CEP170: variants seen among roughly 807,000 people sequenced by gnomAD.
CEP170 encodes the protein centrosomal protein of 170 kDa.
Under a neutral mutation model 151.9 loss-of-function variants are expected in CEP170, and 21 were observed. The ratio of observed to expected loss-of-function variants is 0.14; its 90% CI spans 0.10 to 0.20. The LOEUF is 0.20. Among genes scored for constraint, CEP170 ranks in the 10% least tolerant of loss-of-function variants. The probability of loss-of-function intolerance (pLI) is 1.00; values close to 1 mark genes in which losing one functional copy is unlikely to be tolerated. For synonymous variants in CEP170, 356 were observed against 648.8 expected, an observed-to-expected ratio of 0.55 and a Z score of 6.86; for missense variants, 964 against 1,892.9, an observed-to-expected ratio of 0.51 and a Z score of 9.11.
At chr1:243,209,953 C>A (rs554152242) in intron 4 of CEP170, among the ~76,000 whole-genome samples, 274 of 152,042 alleles carry the variant, frequency 1.8e-3, no homozygotes, top group African/African-American at 6.6e-3. Context: ...TCAGCCTCCC[C>A]ACGTGCTGGG....
At chr1:243,156,808 G>T in intron 13 of CEP170, 1 of 164,790 alleles carries the variant, frequency 6.1e-6, no homozygotes, top group African/African-American at 2.4e-5. Context: ...TCTTACTTGA[G>T]TGAAAATATG....
chr1:243,152,541 TTTTTTTTTG>T, intron 14 of CEP170, among the ~76,000 whole-genome samples: 2 of 100,168 alleles, frequency 2.0e-5, no homozygotes, highest in African/African-American at 8.3e-5. Context: ...TTTTTTTTTT[TTTTTTTTTG>T]AGATAGAGTC....
intron 1 of CEP170, among the ~76,000 whole-genome samples, chr1:243,227,868 G>A (rs2149037539): frequency 6.6e-6 from 1 of 152,290 alleles, no homozygotes. Context: ...CTAGAGAATG[G>A]GGCTTGGTCA....
rs547792366 is a variant in CEP170, at chr1:243,130,425, C to A, written c.4320-972G>T. Among the ~76,000 whole-genome samples the A allele has an allele frequency of 8.5e-5, 13 of 152,116 alleles. No individual in the cohort carries two copies. The East Asian group carries it at 1.9e-3, about 23-fold the overall frequency. Reference sequence around the variant, plus strand: ...AACAATTGCCAATAAAGATAATTATCCTATCATTACCCTAACATCAAATAA... The same window carrying A: ...AACAATTGCCAATAAAGATAATTATACTATCATTACCCTAACATCAAATAA... On this transcript the variant is annotated intron_variant, in intron 17 of 19. Coordinates refer to ENST00000366542, the MANE Select transcript of CEP170 (RefSeq NM_014812.3).
chr1:243,177,171 A>T (rs11807944), intron 10 of CEP170, among the ~76,000 whole-genome samples: 3,111 of 152,296 alleles, frequency 0.02, 117 homozygotes, highest in African/African-American at 0.07. Flanking sequence ...CAGATACGGG[A>T]AGCTTGCTGA....
intron 14 of CEP170, among the ~76,000 whole-genome samples, chr1:243,144,262 G>A (rs1302061972): frequency 1.3e-5 from 2 of 152,182 alleles, no homozygotes; most frequent in East Asian, 3.8e-4. Flanking sequence ...CACTCTGTAA[G>A]AGAAGTATTA....
In CEP170 at chr1:243,124,761, C is replaced by T. The variant is rs1420029690; in HGVS notation, c.*1688G>A. On this transcript the variant is annotated 3_prime_UTR_variant, in exon 20 of 20. Transcript: ENST00000366542. ...ATGGATTGACCCTGTTTTAACATTT[C>T]GTTTATTCCTTCAAAGCATTTGTAT... is the stretch of plus-strand genomic sequence containing the variant. 2 of 152,526 alleles carry T rather than the reference C, an allele frequency of 1.3e-5. No individual in the cohort carries two copies. Among genetic ancestry groups the T allele is most frequent in the Admixed American group, 6.5e-5 (1 of 15,272 alleles). 9.4% of individuals were successfully genotyped at this position (152,526 alleles called of 1,614,324 possible).
Position 243,185,891 on chromosome 1 carries a change from G to A in CEP170, c.1454C>T (p.Ser485Phe), listed in dbSNP as rs1345050084. The A allele has an allele frequency of 6.2e-7, 1 of 1,613,618 alleles. No individual in the cohort carries two copies. The highest frequency in any genetic ancestry group is 8.5e-7 in the Non-Finnish European group (1 of 1,179,716). ...MDKMLKNQATSATSEKDNDDD... is the reference protein window; with the variant it reads ...MDKMLKNQATFATSEKDNDDD... ...ATCATTATCCTTTTCAGAAGTAGCA[G>A]AAGTTGCTTGATTTTTTAACATTTT... Residue 485 changes from serine to phenylalanine, a missense_variant, in exon 10 of 20, where the codon TCT (serine) becomes TTT (phenylalanine). Physicochemically the swap from Ser to Phe is radical, Grantham distance 155. Transcript: ENST00000366542. This position sits in a 1 kb window ranked among gnomAD's most constrained non-coding sequence, Gnocchi z 4.9.
rs1286084241 is a variant in CEP170, at chr1:243,185,845, A to T, written c.1500T>A (p.Gly500=). 6.2e-7 allele frequency: 1 copy of T among 1,611,894 alleles called. No individual in the cohort carries two copies. The highest frequency in any genetic ancestry group is 2.2e-5 in the East Asian group (1 of 44,898). The change falls in exon 10 of 20, where the codon GGT becomes GGA. Residue 500 remains glycine (G), a synonymous_variant. Transcript: ENST00000366542. This position sits in a 1 kb window ranked among gnomAD's most constrained non-coding sequence, Gnocchi z 4.9. The stretch of plus-strand genomic sequence containing the variant: ...GATTCTCTAACTCAATGGTATAAGT[A>T]CCCTTGTCACTTTGGTCATCATCAT... ...KDNDDDQSDK[G]TYTIELENPN... is the part of the protein sequence containing the mutation.
chr1:243,226,352 T>C (rs561891733), intron 1 of CEP170, among the ~76,000 whole-genome samples: 3 of 151,598 alleles, frequency 2.0e-5, no homozygotes, highest in African/African-American at 7.2e-5. Context: ...TATAACAAAG[T>C]AACCATATTT....
intron 8 of CEP170, among the ~76,000 whole-genome samples, chr1:243,186,939 A>G (rs1413335393): frequency 6.6e-6 from 1 of 152,240 alleles, no homozygotes; most frequent in African/African-American, 2.4e-5. Context: ...GAAGCTCAGC[A>G]TATTTTTCCT....
chr1:243,183,168 G>C (rs1245360976), intron 10 of CEP170, among the ~76,000 whole-genome samples: 2 of 151,960 alleles, frequency 1.3e-5, no homozygotes, highest in Non-Finnish European at 2.9e-5. Flanking sequence ...TTTTCATTGT[G>C]AATCACCTTC....
chr1:243,124,925 T>C lies in CEP170; in HGVS notation c.*1524A>G, dbSNP rs1424455650. 1.3e-5 allele frequency: 2 copies of C among 152,664 alleles called. No individual in the cohort carries two copies. The highest frequency in any genetic ancestry group is 1.3e-4 in the Admixed American group (2 of 15,302). The allele number at this position is 152,664 out of a possible 1,614,324, so 9.5% of individuals were successfully genotyped here. A position where few individuals can be genotyped will look rare whatever the true frequency, so the allele number is the denominator to read the frequency against. ...GAAAAATAGGAGATCCATTATAGTT[T>C]TGTTTTTACATCTCTATAAAGTTTT... On this transcript the variant is annotated 3_prime_UTR_variant, in exon 20 of 20. Coordinates refer to ENST00000366542, the MANE Select transcript of CEP170 (RefSeq NM_014812.3).
In CEP170 at chr1:243,126,416, A is replaced by G. The variant is rs765219814; in HGVS notation, c.*33T>C. ...TGCTTCCAATATTCCTAGCCATTCC[A>G]CAGGTAATGATTTTTCAACAATCAA... On this transcript the variant is annotated 3_prime_UTR_variant, in exon 20 of 20. Transcript: ENST00000366542. The G allele has an allele frequency of 3.8e-6, 6 of 1,577,694 alleles. No homozygotes were observed. The highest frequency in any genetic ancestry group is 2.7e-5 in the African/African-American group (2 of 74,292).
At chr1:243,181,840 C>T (rs539694615) in intron 10 of CEP170, among the ~76,000 whole-genome samples, 3 of 152,248 alleles carry the variant, frequency 2.0e-5, no homozygotes, top group South Asian at 2.1e-4. Flanking sequence ...TTCCTTTGTT[C>T]CCCCTTCTCC....
chr1:243,187,199 A>G (rs2059991604), intron 8 of CEP170, among the ~76,000 whole-genome samples: 1 of 152,200 alleles, frequency 6.6e-6, no homozygotes, highest in South Asian at 2.1e-4. Flanking sequence ...CCCAGGAAGC[A>G]TATCAGGTTA....
intron 16 of CEP170, among the ~76,000 whole-genome samples, chr1:243,137,778 TTAA>T (rs1314007571): frequency 5.3e-5 from 6 of 112,412 alleles, no homozygotes; most frequent in African/African-American, 2.1e-4. Flanking sequence ...CCTCTCAAAA[TTAA>T]AAAAAAAAAA....
chr1:243,166,866 A>C (rs2148570005), intron 12 of CEP170, among the ~76,000 whole-genome samples: 1 of 152,268 alleles, frequency 6.6e-6, no homozygotes, highest in South Asian at 2.1e-4. Flanking sequence ...TACCTCACGT[A>C]CTTATCTTTT....
At chr1:243,201,769 T>C (rs886772548) in intron 4 of CEP170, among the ~76,000 whole-genome samples, 2 of 152,152 alleles carry the variant, frequency 1.3e-5, no homozygotes, top group Admixed American at 6.6e-5. Context: ...TTGGGAAATA[T>C]TCTGTTCAAT....
Sources: allele counts gnomAD v4.1 joint callset (sites outside exome capture counted in the v4.1 genomes callset), GRCh38; gene constraint gnomAD v4.1.1; non-coding constraint Gnocchi (gnomAD v3.1); transcripts MANE v1.5; gene names NCBI Gene and HGNC (gene_info 2026-07-23, HGNC 2026-07-21).